Variants in PTPN14 observed in about 807,000 individuals in gnomAD.
PTPN14 encodes tyrosine-protein phosphatase non-receptor type 14.
Under a neutral mutation model 126.8 loss-of-function variants are expected in PTPN14, and 53 were observed. The observed-to-expected ratio is 0.42, with a 90% CI of 0.34 to 0.53. The LOEUF is 0.53. Ranked by LOEUF, PTPN14 falls within the 20% of genes least tolerant of loss-of-function variation. PTPN14 has a pLI of 0.08. For missense variants in PTPN14, 1,257 were observed against 1,552.9 expected (o/e 0.81, Z 3.20); for synonymous variants, 630 against 599.3 (o/e 1.05, Z -0.75).
At chr1:214,496,879 T>C (rs1443767698) in intron 1 of PTPN14, among the ~76,000 whole-genome samples, 3 of 152,076 alleles carry the variant, frequency 2.0e-5, no homozygotes, top group African/African-American at 7.2e-5. Flanking sequence ...AGAAATAAAG[T>C]TCAATCATTC....
intron 3 of PTPN14, among the ~76,000 whole-genome samples, chr1:214,442,920 T>G (rs60948371): frequency 0.034 from 5,229 of 151,858 alleles, 285 homozygotes; most frequent in African/African-American, 0.12. Flanking sequence ...TGCTCCTGGG[T>G]TCAAGCGATT....
intron 1 of PTPN14, among the ~76,000 whole-genome samples, chr1:214,518,315 G>GA (rs1655159155): frequency 6.6e-6 from 1 of 152,088 alleles, no homozygotes; most frequent in African/African-American, 2.4e-5. Context: ...ACTAATAAAA[G>GA]AAACTCCCTA....
chr1:214,529,079 A>G (rs1335405274), intron 1 of PTPN14: 1 of 152,090 alleles, frequency 6.6e-6, no homozygotes, highest in Non-Finnish European at 1.5e-5. Flanking sequence ...AAGGTGGGAA[A>G]ATTACTTGAA....
chr1:214,436,376 G>A lies in PTPN14; in HGVS notation c.344+15429C>T, dbSNP rs115184409. On this transcript the variant is annotated intron_variant, in intron 3 of 18. Transcript: ENST00000366956. ...ATTTACCTATATAACAAACCCACAC[G>A]TATACCCCTGTATCTAAAATAAAGT... 2.1e-3 allele frequency among the ~76,000 whole-genome samples: 311 copies of A among 151,192 alleles called. 3 individuals are homozygous for A. The highest frequency in any genetic ancestry group is 6.4e-3 in the African/African-American group (265 of 41,382).
At chr1:214,473,661 A>G (rs1660808687) in intron 1 of PTPN14, among the ~76,000 whole-genome samples, 1 of 152,246 alleles carries the variant, frequency 6.6e-6, no homozygotes, top group African/African-American at 2.4e-5. Context: ...ATAAACCTGC[A>G]TAGGGCACAG....
intron 1 of PTPN14, among the ~76,000 whole-genome samples, chr1:214,476,686 C>T (rs1272124823): frequency 6.6e-6 from 1 of 152,192 alleles, no homozygotes; most frequent in Admixed American, 6.5e-5. Flanking sequence ...CAGCAAGCCT[C>T]ACCCAGAAGC....
chr1:214,371,485 G>A (rs1658217104), intron 16 of PTPN14, among the ~76,000 whole-genome samples: 1 of 152,112 alleles, frequency 6.6e-6, no homozygotes, highest in Admixed American at 6.5e-5. Flanking sequence ...GACCCACTCT[G>A]GACTATAGTT....
chr1:214,515,748 C>A (rs1655085468), intron 1 of PTPN14, among the ~76,000 whole-genome samples: 1 of 151,890 alleles, frequency 6.6e-6, no homozygotes, highest in South Asian at 2.1e-4. Context: ...TCTTAGCATT[C>A]TCTATTGCTA....
At chr1:214,543,189 C>T (rs1183987723) in intron 1 of PTPN14, among the ~76,000 whole-genome samples, 1 of 152,048 alleles carries the variant, frequency 6.6e-6, no homozygotes, top group Admixed American at 6.5e-5. Context: ...ATGCATAGGA[C>T]GGAAACTAAG....
At chr1:214,390,538 G>A (rs1658724458) in intron 11 of PTPN14, among the ~76,000 whole-genome samples, 1 of 152,256 alleles carries the variant, frequency 6.6e-6, no homozygotes, top group Non-Finnish European at 1.5e-5. Flanking sequence ...TACTCTGCCT[G>A]AGACCATCAA....
At chr1:214,459,719 G>A (rs1312986342) in intron 2 of PTPN14, among the ~76,000 whole-genome samples, 4 of 149,792 alleles carry the variant, frequency 2.7e-5, no homozygotes, top group East Asian at 4.0e-4. Flanking sequence ...CGCCTGCCTC[G>A]GCCTCCCAAA....
intron 1 of PTPN14, among the ~76,000 whole-genome samples, chr1:214,492,529 G>A (rs992470612): frequency 5.3e-5 from 8 of 152,190 alleles, no homozygotes; most frequent in Admixed American, 6.5e-5. Context: ...TTGTGTATAC[G>A]TTGGGACATT....
intron 13 of PTPN14, among the ~76,000 whole-genome samples, chr1:214,381,093 GA>G (rs1277841297): frequency 6.6e-6 from 1 of 152,188 alleles, no homozygotes; most frequent in African/African-American, 2.4e-5. Context: ...AGCATCTGGA[GA>G]AAAAACAATA....
chr1:214,452,054 T>C lies in PTPN14; in HGVS notation c.175-80A>G, dbSNP rs569318693. ...CCACACAAGAAACGAGACTCCAGCA[T>C]GCTGCATCCCACCCTGGGTTCCCCA... On this transcript the variant is annotated intron_variant, in intron 2 of 18. Transcript: ENST00000366956. 7 of 1,468,224 alleles carry C rather than the reference T, an allele frequency of 4.8e-6. No homozygotes were observed. In the African/African-American group the frequency reaches 8.4e-5, roughly 18 times the overall value. The allele number at this position is 1,468,224 out of a possible 1,614,324, so 90.9% of individuals were successfully genotyped here. A position where few individuals can be genotyped will look rare whatever the true frequency, so the allele number is the denominator to read the frequency against.
intron 1 of PTPN14, among the ~76,000 whole-genome samples, chr1:214,468,669 T>C (rs561986777): frequency 6.6e-6 from 1 of 152,348 alleles, no homozygotes; most frequent in South Asian, 2.1e-4. Flanking sequence ...GTTGAATCTG[T>C]GAGTATACAG....
At chr1:214,495,136 G>A (rs1216062295) in intron 1 of PTPN14, among the ~76,000 whole-genome samples, 2 of 152,088 alleles carry the variant, frequency 1.3e-5, no homozygotes, top group East Asian at 3.9e-4. Context: ...GAAAAGCTTG[G>A]GATCTGAAGA....
chr1:214,456,705 A>C (rs981655239), intron 2 of PTPN14, among the ~76,000 whole-genome samples: 6 of 152,214 alleles, frequency 3.9e-5, no homozygotes, highest in Non-Finnish European at 7.3e-5. Context: ...AAAGATGAAG[A>C]CGTACAAGTT....
At chr1:214,459,149 C>T (rs1310752597) in intron 2 of PTPN14, among the ~76,000 whole-genome samples, 1 of 135,810 alleles carries the variant, frequency 7.4e-6, no homozygotes, top group African/African-American at 2.8e-5. Flanking sequence ...CTCTTTTCTT[C>T]TTTTTTTTTT....
chr1:214,532,884 G>A (rs1655590056), intron 1 of PTPN14: 3 of 1,029,080 alleles, frequency 2.9e-6, no homozygotes, highest in African/African-American at 1.6e-5. Flanking sequence ...TGACCATGGA[G>A]GTTGATGCCC....
Sources: allele counts gnomAD v4.1 joint callset (sites outside exome capture counted in the v4.1 genomes callset), GRCh38; gene constraint gnomAD v4.1.1; transcripts MANE v1.5; gene names NCBI Gene and HGNC (gene_info 2026-07-23, HGNC 2026-07-21).